SULF2: variants seen among roughly 807,000 people sequenced by gnomAD.
The protein encoded by SULF2 is extracellular sulfatase Sulf-2.
In SULF2, 52 loss-of-function variants were observed where a neutral mutation model predicts 107.7. The observed-to-expected ratio is 0.48, with a 90% CI of 0.39 to 0.61. The LOEUF is 0.61. Ranked by LOEUF, SULF2 falls within the 20% of genes least tolerant of loss-of-function variation. The probability of loss-of-function intolerance (pLI) is 0.00; values close to 1 mark genes in which losing one functional copy is unlikely to be tolerated. For synonymous variants in SULF2, 460 were observed against 464.3 expected (o/e 0.99, Z 0.12); for missense variants, 993 against 1,177.3 (o/e 0.84, Z 2.29).
At chr20:47,754,696 A>C (rs1322368738) in intron 2 of SULF2, among the ~76,000 whole-genome samples, 1 of 152,266 alleles carries the variant, frequency 6.6e-6, no homozygotes, top group Non-Finnish European at 1.5e-5. Context: ...ATGCCTGTTT[A>C]AATTTCCAGC....
intron 4 of SULF2, among the ~76,000 whole-genome samples, chr20:47,697,298 G>A (rs1056647114): frequency 7.9e-5 from 12 of 152,120 alleles, no homozygotes; most frequent in African/African-American, 2.4e-4. Flanking sequence ...GACCCCTTTG[G>A]TGGCATGTGC....
intron 3 of SULF2, chr20:47,706,821 C>T (rs1255840095): frequency 2.0e-5 from 3 of 152,198 alleles, no homozygotes; most frequent in Admixed American, 2.0e-4. Flanking sequence ...GCCCTCAAAC[C>T]CAGCCTTCAC....
intron 3 of SULF2, among the ~76,000 whole-genome samples, chr20:47,706,088 C>A (rs566012676): frequency 6.6e-6 from 1 of 152,188 alleles, no homozygotes; most frequent in African/African-American, 2.4e-5. Context: ...TGTGAGCCAC[C>A]ATACGTCGCT....
chr20:47,695,300 T>A (rs1472564434), intron 4 of SULF2, among the ~76,000 whole-genome samples: 1 of 151,908 alleles, frequency 6.6e-6, no homozygotes, highest in Admixed American at 6.5e-5. Context: ...AAAAAAAAAA[T>A]GAGCTGTATG....
chr20:47,756,647 C>CTTTT lies in SULF2; in HGVS notation c.175+538_175+541dup, dbSNP rs11372876. Reference sequence around the variant, plus strand: ...ATTTGGCTCCAGGCTCATGTCTCATCTTTTTTTTTTTTTTTTGAGACAGAG... The same window carrying CTTTT: ...ATTTGGCTCCAGGCTCATGTCTCATCTTTTTTTTTTTTTTTTTTTTGAGACAGAG... On this transcript the variant is annotated intron_variant, in intron 2 of 20. Transcript: ENST00000688720. 2.4e-4 allele frequency among the ~76,000 whole-genome samples: 33 copies of CTTTT among 136,008 alleles called. 1 individual carries two copies. Among genetic ancestry groups the CTTTT allele is most frequent in the African/African-American group, 4.7e-4 (17 of 36,372 alleles). 89.2% of individuals were successfully genotyped at this position (136,008 alleles called of 152,430 possible). A position where few individuals can be genotyped will look rare whatever the true frequency, so the allele number is the denominator to read the frequency against.
At chr20:47,717,026 T>C (rs2089143852) in intron 3 of SULF2, among the ~76,000 whole-genome samples, 1 of 151,862 alleles carries the variant, frequency 6.6e-6, no homozygotes, top group Non-Finnish European at 1.5e-5. Context: ...TAAAATAAAA[T>C]GGGTATGCAG....
intron 2 of SULF2, among the ~76,000 whole-genome samples, chr20:47,744,290 C>CT (rs1429397601): frequency 6.6e-6 from 1 of 152,188 alleles, no homozygotes; most frequent in Non-Finnish European, 1.5e-5. Flanking sequence ...TCAAGCGATT[C>CT]TCCTGCCTCA....
At chr20:47,742,142 T>C (rs2089899328) in intron 2 of SULF2, among the ~76,000 whole-genome samples, 3 of 152,208 alleles carry the variant, frequency 2.0e-5, no homozygotes, top group African/African-American at 7.2e-5. Flanking sequence ...GACAGTAACC[T>C]GCTTTATTAA....
intron 11 of SULF2, 52 bp downstream of exon 11, chr20:47,672,146 C>T: frequency 6.5e-7 from 1 of 1,543,324 alleles, no homozygotes; most frequent in Non-Finnish European, 8.8e-7. Context: ...ATGGGGCCCC[C>T]CAGGCATGGT....
intron 2 of SULF2, among the ~76,000 whole-genome samples, chr20:47,755,614 G>A (rs558637727): frequency 3.3e-5 from 5 of 152,160 alleles, no homozygotes; most frequent in African/African-American, 1.2e-4. Context: ...CTCAGCACCC[G>A]GGTCTGAGCT....
At chr20:47,716,038 G>T (rs1057352172) in intron 3 of SULF2, among the ~76,000 whole-genome samples, 1 of 152,166 alleles carries the variant, frequency 6.6e-6, no homozygotes, top group African/African-American at 2.4e-5. Flanking sequence ...TCCATTTGTG[G>T]ATGTGCTTTA....
At chr20:47,710,296 C>A (rs577359495) in intron 3 of SULF2, among the ~76,000 whole-genome samples, 1 of 149,326 alleles carries the variant, frequency 6.7e-6, no homozygotes, top group East Asian at 1.9e-4. Context: ...CCTTGGCCTC[C>A]CAAGGTGCTG....
At chr20:47,677,746 A>T (rs1409337490) in intron 8 of SULF2, among the ~76,000 whole-genome samples, 2 of 152,094 alleles carry the variant, frequency 1.3e-5, no homozygotes, top group African/African-American at 4.8e-5. Context: ...GGAAGCTTCC[A>T]CCCTGTCCCC....
intron 2 of SULF2, among the ~76,000 whole-genome samples, chr20:47,747,107 T>C (rs1388203768): frequency 1.3e-5 from 2 of 151,956 alleles, no homozygotes; most frequent in African/African-American, 2.4e-5. Context: ...TTGCTGTGCC[T>C]GTAACTCAAT....
intron 3 of SULF2, among the ~76,000 whole-genome samples, chr20:47,713,492 AG>A (rs1172962476): frequency 1.3e-5 from 2 of 152,188 alleles, no homozygotes; most frequent in Admixed American, 1.3e-4. Context: ...GCAGAGTCAG[AG>A]GACTCTGACT....
chr20:47,701,592 G>T (rs2088571283), intron 4 of SULF2, among the ~76,000 whole-genome samples: 2 of 152,216 alleles, frequency 1.3e-5, no homozygotes, highest in South Asian at 2.1e-4. Context: ...TAACAGAAAT[G>T]AGCCTCTATG....
At chr20:47,732,704 G>A (rs1286811756) in intron 3 of SULF2, among the ~76,000 whole-genome samples, 3 of 152,150 alleles carry the variant, frequency 2.0e-5, no homozygotes, top group African/African-American at 4.8e-5. Flanking sequence ...TTAGCTGGGC[G>A]TGGTGGCACG....
chr20:47,677,199 C>T lies in SULF2; in HGVS notation c.1194-65G>A, dbSNP rs1413024347. 1.9e-6 allele frequency: 3 copies of T among 1,574,092 alleles called. No individual in the cohort carries two copies. In the African/African-American group the frequency reaches 4.1e-5, roughly 21 times the overall value. On this transcript the variant is annotated intron_variant, in intron 8 of 20. Transcript: ENST00000688720. ...GGCTTCCCACGACCCCCCGTTCCCC[C>T]AGGAGCAGGGACGGCACCAGGAGTC...
At chr20:47,721,237 T>C (rs2089288415) in intron 3 of SULF2, among the ~76,000 whole-genome samples, 1 of 152,140 alleles carries the variant, frequency 6.6e-6, no homozygotes, top group Non-Finnish European at 1.5e-5. Context: ...CTTGCTGAAC[T>C]GAAAGCTGTG....
Sources: allele counts gnomAD v4.1 joint callset (sites outside exome capture counted in the v4.1 genomes callset), GRCh38; gene constraint gnomAD v4.1.1; transcripts MANE v1.5; gene names NCBI Gene and HGNC (gene_info 2026-07-23, HGNC 2026-07-21).